ZNF44: variants seen among roughly 807,000 people sequenced by gnomAD.
The protein encoded by ZNF44 is gonadotropin inducible transcription repressor-2.
Under a neutral mutation model 11.7 loss-of-function variants are expected in ZNF44, and 9 were observed. The observed-to-expected ratio is 0.77, with a 90% CI of 0.46 to 1.35. The LOEUF is 1.35. Among genes scored for constraint, ZNF44 ranks in the 40% most tolerant of loss-of-function variants. ZNF44 has a pLI of 0.00. For synonymous variants in ZNF44, 224 were observed against 242.7 expected, an observed-to-expected ratio of 0.92 and a Z score of 0.72; for missense variants, 696 against 743.1, an observed-to-expected ratio of 0.94 and a Z score of 0.74.
chr19:12,289,591 T>C (rs1967914267), intron 1 of ZNF44, among the ~76,000 whole-genome samples: 1 of 151,954 alleles, frequency 6.6e-6, no homozygotes, highest in African/African-American at 2.4e-5. Context: ...TTTCAGATCT[T>C]ATACTTAGTG....
At chr19:12,260,531 C>G in intron 5 of ZNF44, 1 of 970,468 alleles carries the variant, frequency 1.0e-6, no homozygotes, top group Non-Finnish European at 1.6e-6. Flanking sequence ...CCACCAAGAG[C>G]TCCTGAGCCC....
At position 12,283,286 on chromosome 19, in the gene ZNF44, C is replaced by T. The variant is rs116377551; in HGVS notation, c.4-7204G>A. On this transcript the variant is annotated intron_variant, in intron 1 of 3. Transcript: ENST00000355684. ...AAGATTAAATTAGAAGAATATACAA[C>T]ACCTATGAAAGACAAAAGCAGCACA... is the stretch of plus-strand genomic sequence containing the variant. Among the ~76,000 whole-genome samples the T allele has an allele frequency of 3.9e-3, 592 of 152,232 alleles. 2 individuals carry two copies. The highest frequency in any genetic ancestry group is 0.013 in the African/African-American group (560 of 41,542).
rs906232565 is a variant in ZNF44, at chr19:12,266,300, A to G, written c.1912+6187T>C. 156 of 985,334 alleles carry G rather than the reference A, an allele frequency of 1.6e-4. No homozygotes were observed. In the African/African-American group the frequency reaches 2.6e-3, roughly 16 times the overall value. The allele number at this position is 985,334 out of a possible 1,614,324, so 61.0% of individuals were successfully genotyped here. On this transcript the variant is annotated intron_variant and NMD_transcript_variant, in intron 5 of 7. Transcript: ENST00000393337. Reference sequence around the variant, plus strand: ...CATTTCCTGGACTCCAGGGTGTCCCAGCATCCTCCTGATGGCTCTCCTGGC... The same window carrying G: ...CATTTCCTGGACTCCAGGGTGTCCCGGCATCCTCCTGATGGCTCTCCTGGC...
At chr19:12,261,399 C>T (rs1005296783) in intron 5 of ZNF44, among the ~76,000 whole-genome samples, 13 of 152,188 alleles carry the variant, frequency 8.5e-5, no homozygotes, top group African/African-American at 3.1e-4. Context: ...CTTTGGAAGG[C>T]CAAAGTGGAG....
At chr19:12,290,345 G>A (rs758990734) in intron 1 of ZNF44, among the ~76,000 whole-genome samples, 17 of 147,482 alleles carry the variant, frequency 1.2e-4, no homozygotes, top group Non-Finnish European at 1.8e-4. Context: ...AGATCATGCC[G>A]TTGCAGTTGC....
chr19:12,289,198 C>G (rs1967897604), intron 1 of ZNF44, among the ~76,000 whole-genome samples: 1 of 151,896 alleles, frequency 6.6e-6, no homozygotes, highest in African/African-American at 2.4e-5. Flanking sequence ...TCTCAGCTAC[C>G]CTGAAGGCTG....
At chr19:12,289,575 A>G (rs1295174668) in intron 1 of ZNF44, among the ~76,000 whole-genome samples, 1 of 151,668 alleles carries the variant, frequency 6.6e-6, no homozygotes, top group African/African-American at 2.4e-5. Context: ...CTAAGCTTTA[A>G]GACGCTTTCA....
upstream of ZNF44, among the ~76,000 whole-genome samples, chr19:12,242,435 G>A (rs1409033989): frequency 3.3e-5 from 5 of 151,504 alleles, no homozygotes; most frequent in Admixed American, 3.3e-4. Flanking sequence ...GCGTGAACCT[G>A]GGAGGCGGAG....
At chr19:12,256,534 G>C (rs934911642) in intron 5 of ZNF44, among the ~76,000 whole-genome samples, 1 of 151,900 alleles carries the variant, frequency 6.6e-6, no homozygotes, top group African/African-American at 2.4e-5. Context: ...GAGAGGATGC[G>C]GTCCTCTGCT....
At chr19:12,282,341 G>A (rs954226454) in intron 1 of ZNF44, among the ~76,000 whole-genome samples, 2 of 151,816 alleles carry the variant, frequency 1.3e-5, no homozygotes, top group African/African-American at 4.8e-5. Context: ...TAGGCATTAA[G>A]CTCCCTGCCA....
chr19:12,243,084 G>A (rs1916673822), downstream of ZNF44, among the ~76,000 whole-genome samples: 1 of 152,196 alleles, frequency 6.6e-6, no homozygotes, highest in Non-Finnish European at 1.5e-5. Context: ...ACAGTTAACT[G>A]AAGACTTCAA....
rs140648541 is a variant in ZNF44 at position 12,255,968 on chromosome 19, C to T, written c.1913-5600G>A. 1.3e-3 allele frequency among the ~76,000 whole-genome samples: 156 copies of T among 123,466 alleles called. No homozygotes were observed. In the East Asian group the frequency reaches 0.024, roughly 19 times the overall value. The allele number at this position is 123,466 out of a possible 152,430, so 81.0% of individuals were successfully genotyped here. On this transcript the variant is annotated intron_variant and NMD_transcript_variant, in intron 5 of 7. Transcript: ENST00000393337. ...GGAGAATTGCTTGAACCTGGGGAGGCGGAGGTTGCAGTGAGCCGAGATCAC... is the reference window on the plus strand; with the variant it reads ...GGAGAATTGCTTGAACCTGGGGAGGTGGAGGTTGCAGTGAGCCGAGATCAC...
chr19:12,265,640 G>A (rs542917322), intron 5 of ZNF44, among the ~76,000 whole-genome samples: 1 of 152,126 alleles, frequency 6.6e-6, no homozygotes, highest in Non-Finnish European at 1.5e-5. Flanking sequence ...TCCTCAACAC[G>A]TAAGATGTCT....
chr19:12,277,583 A>G (rs8111200), intron 1 of ZNF44, among the ~76,000 whole-genome samples: 1,691 of 152,338 alleles, frequency 0.011, 27 homozygotes, highest in African/African-American at 0.039. Context: ...TTAAAACTGT[A>G]ATTTTTCACA....
intron 1 of ZNF44, among the ~76,000 whole-genome samples, chr19:12,285,789 C>T (rs954452643): frequency 6.7e-4 from 102 of 151,884 alleles, no homozygotes; most frequent in Non-Finnish European, 7.1e-4. Flanking sequence ...GAGGCCGAGG[C>T]TGGCGGATCA....
At chr19:12,260,674 A>G (rs1210426209) in intron 5 of ZNF44, 5 of 589,478 alleles carry the variant, frequency 8.5e-6, no homozygotes, top group Non-Finnish European at 1.5e-5. Flanking sequence ...TAAACCCAGG[A>G]CCACTTTAAG....
At chr19:12,251,808 T>C (rs1281448186) in intron 5 of ZNF44, among the ~76,000 whole-genome samples, 1 of 152,112 alleles carries the variant, frequency 6.6e-6, no homozygotes, top group Non-Finnish European at 1.5e-5. Context: ...TCCCAGCACT[T>C]TGGGGGGCCG....
chr19:12,266,420 A>G (rs943453638), intron 5 of ZNF44: 26 of 843,764 alleles, frequency 3.1e-5, no homozygotes, highest in Middle Eastern at 6.0e-4. Flanking sequence ...GGCGAGAGGG[A>G]AAAAAAACCC....
At chr19:12,229,273 A>G (rs1222897703) in intron 3 of ZNF44, among the ~76,000 whole-genome samples, 3 of 152,214 alleles carry the variant, frequency 2.0e-5, no homozygotes, top group African/African-American at 7.2e-5. Context: ...GGGCTAGGAA[A>G]ACAGTTTCCA....
Sources: allele counts gnomAD v4.1 joint callset (sites outside exome capture counted in the v4.1 genomes callset), GRCh38; gene constraint gnomAD v4.1.1; transcripts MANE v1.5; gene names NCBI Gene and HGNC (gene_info 2026-07-23, HGNC 2026-07-21).